The following TBC1D14 variants were observed in gnomAD, a reference collection of about 807,000 sequenced individuals.
TBC1D14 encodes the protein TBC1 domain family member 14.
A neutral mutation model predicts 79.0 loss-of-function variants in TBC1D14; 26 were observed. The observed-to-expected ratio is 0.33, with a 90% CI of 0.24 to 0.46. TBC1D14 has a LOEUF of 0.46. Ranked by LOEUF, TBC1D14 falls within the 20% of genes least tolerant of loss-of-function variation. The pLI, the probability that TBC1D14 is intolerant of heterozygous loss-of-function variation, is 1.00. For missense variants in TBC1D14, 769 were observed against 887.6 expected, an observed-to-expected ratio of 0.87 and a Z score of 1.70; for synonymous variants, 394 against 349.9, an observed-to-expected ratio of 1.13 and a Z score of -1.40.
intron 2 of TBC1D14, among the ~76,000 whole-genome samples, chr4:6,942,296 A>G (rs577988725): frequency 6.6e-6 from 1 of 152,362 alleles, no homozygotes; most frequent in Admixed American, 6.5e-5. Flanking sequence ...CTAGATTGCC[A>G]CATCAAATCA....
intron 4 of TBC1D14, chr4:6,995,465 A>G (rs573044101): frequency 3.7e-4 from 56 of 152,102 alleles, no homozygotes; most frequent in African/African-American, 1.1e-3. Context: ...TGTTGCAGTT[A>G]TGGATAATTG....
chr4:6,915,206 G>T (rs986132785), intron 1 of TBC1D14, among the ~76,000 whole-genome samples: 6 of 152,170 alleles, frequency 3.9e-5, no homozygotes, highest in Admixed American at 3.9e-4. Context: ...AGGGCAGGAC[G>T]CTCATAAGAG....
At chr4:6,927,386 G>A (rs1724375244) in intron 2 of TBC1D14, among the ~76,000 whole-genome samples, 1 of 152,092 alleles carries the variant, frequency 6.6e-6, no homozygotes, top group Admixed American at 6.6e-5. Context: ...ATCGCTGTGG[G>A]CCTTGGGCAA....
intron 1 of TBC1D14, among the ~76,000 whole-genome samples, chr4:6,918,406 C>T (rs1239968790): frequency 1.3e-5 from 2 of 152,206 alleles, no homozygotes; most frequent in African/African-American, 4.8e-5. Context: ...TTGTGGCTTA[C>T]ATTCGTGTTT....
chr4:7,025,433 C>T lies in TBC1D14; in HGVS notation c.2016+171C>T, dbSNP rs142919150. ...GTGGCTGTGCCACAGGGCGTCTCGG[C>T]GGGTCGCCTCCTCTTTGGGTTTCTG... On this transcript the variant is annotated intron_variant, in intron 13 of 13. Transcript: ENST00000409757. 0.012 allele frequency among the ~76,000 whole-genome samples: 1,798 copies of T among 150,138 alleles called. 12 individuals carry two copies. Among genetic ancestry groups the T allele is most frequent in the Middle Eastern group, 0.038 (11 of 290 alleles).
chr4:6,986,006 A>C (rs1022707583), intron 3 of TBC1D14, among the ~76,000 whole-genome samples: 4 of 152,182 alleles, frequency 2.6e-5, no homozygotes, highest in African/African-American at 9.7e-5. Flanking sequence ...CGACATCCAA[A>C]GTTTTATTTT....
At chr4:6,975,311 C>T (rs1198504729) in intron 3 of TBC1D14, among the ~76,000 whole-genome samples, 2 of 152,146 alleles carry the variant, frequency 1.3e-5, no homozygotes, top group African/African-American at 2.4e-5. Context: ...CAGGCTCAAG[C>T]GATCCTCCCA....
At chr4:6,999,521 G>A (rs1719439060) in intron 6 of TBC1D14, among the ~76,000 whole-genome samples, 1 of 152,094 alleles carries the variant, frequency 6.6e-6, no homozygotes, top group African/African-American at 2.4e-5. Flanking sequence ...CCCTTAGCAG[G>A]CAACACCCTT....
chr4:6,943,625 C>T (rs1389860007), intron 2 of TBC1D14, among the ~76,000 whole-genome samples: 2 of 152,172 alleles, frequency 1.3e-5, no homozygotes, highest in East Asian at 3.9e-4. Flanking sequence ...GACACCTCCT[C>T]TAGGAAGCCT....
intron 1 of TBC1D14, among the ~76,000 whole-genome samples, chr4:6,910,805 C>A (rs1015765974): frequency 1.3e-5 from 2 of 152,214 alleles, no homozygotes; most frequent in Non-Finnish European, 2.9e-5. Flanking sequence ...ACGCCGTTTT[C>A]TCTAGCGTGG....
intron 2 of TBC1D14, among the ~76,000 whole-genome samples, chr4:6,947,214 T>C (rs1249085204): frequency 6.6e-6 from 1 of 151,484 alleles, no homozygotes; most frequent in Non-Finnish European, 1.5e-5. Flanking sequence ...ATAAAAAAAT[T>C]AGGGCAGGCG....
intron 13 of TBC1D14, among the ~76,000 whole-genome samples, chr4:7,025,589 T>G (rs1420240018): frequency 1.3e-5 from 2 of 152,168 alleles, no homozygotes; most frequent in Non-Finnish European, 2.9e-5. Flanking sequence ...GTACCCCCCT[T>G]TTTAAAAAAA....
At chr4:7,014,127 G>T (rs1196382110) in intron 11 of TBC1D14, among the ~76,000 whole-genome samples, 1 of 152,152 alleles carries the variant, frequency 6.6e-6, no homozygotes, top group Non-Finnish European at 1.5e-5. Context: ...TTTGCAGCGG[G>T]ACAGGCACAA....
intron 12 of TBC1D14, among the ~76,000 whole-genome samples, chr4:7,018,661 G>C (rs1202390898): frequency 6.6e-6 from 1 of 152,198 alleles, no homozygotes; most frequent in African/African-American, 2.4e-5. Context: ...CTGAGGGTTC[G>C]CTGTCCTTCC....
At chr4:7,023,905 TC>T (rs965696623) in intron 12 of TBC1D14, among the ~76,000 whole-genome samples, 1 of 152,222 alleles carries the variant, frequency 6.6e-6, no homozygotes, top group African/African-American at 2.4e-5. Context: ...GGCTCTCCGT[TC>T]CCTCCTCTGA....
intron 4 of TBC1D14, among the ~76,000 whole-genome samples, chr4:6,995,923 G>A (rs1362087910): frequency 3.3e-5 from 5 of 151,784 alleles, no homozygotes; most frequent in African/African-American, 7.3e-5. Flanking sequence ...TGCAAGCTCC[G>A]CCTCCTGGGT....
chr4:6,987,065 C>T, intron 3 of TBC1D14: 1 of 764,438 alleles, frequency 1.3e-6, no homozygotes, highest in Non-Finnish European at 1.7e-6. Context: ...GGCCGTACCA[C>T]GGGGACGCCC....
At chr4:7,006,579 G>C in intron 8 of TBC1D14, 53 bp from the exon 9 acceptor site, 1 of 1,516,216 alleles carries the variant, frequency 6.6e-7, no homozygotes, top group Non-Finnish European at 9.1e-7. Flanking sequence ...GCTCGTAATT[G>C]TCCTACATTC....
chr4:6,921,464 C>G (rs901913918), intron 1 of TBC1D14, among the ~76,000 whole-genome samples: 1 of 152,120 alleles, frequency 6.6e-6, no homozygotes, highest in Non-Finnish European at 1.5e-5. Flanking sequence ...GCCTCTACCT[C>G]CCAAAATGCT....
Sources: allele counts gnomAD v4.1 joint callset (sites outside exome capture counted in the v4.1 genomes callset), GRCh38; gene constraint gnomAD v4.1.1; transcripts MANE v1.5; gene names NCBI Gene and HGNC (gene_info 2026-07-23, HGNC 2026-07-21).